GABPB2: variants seen among roughly 807,000 people sequenced by gnomAD.
The protein encoded by GABPB2 is GA-binding protein subunit beta-2.
GABPB2 carries 23 observed loss-of-function variants against 39.1 expected under a neutral mutation model. The ratio of observed to expected loss-of-function variants is 0.59; its 90% CI spans 0.42 to 0.83. The LOEUF (loss-of-function observed/expected upper bound fraction) is 0.83. GABPB2 is among the 40% of genes least tolerant of loss of function. The pLI is 0.00. For synonymous variants in GABPB2, 184 were observed against 199.3 expected (o/e 0.92, Z 0.65); for missense variants, 467 against 541.1 (o/e 0.86, Z 1.36).
chr1:151,101,951 C>T (rs762821821), intron 5 of GABPB2, among the ~76,000 whole-genome samples: 18 of 152,202 alleles, frequency 1.2e-4, no homozygotes, highest in Non-Finnish European at 2.4e-4. Flanking sequence ...AGATCTAGTG[C>T]GCTTCCCTCT....
At chr1:151,116,416 A>AC (rs1367945081) in intron 7 of GABPB2, among the ~76,000 whole-genome samples, 1 of 151,440 alleles carries the variant, frequency 6.6e-6, no homozygotes, top group Non-Finnish European at 1.5e-5. Flanking sequence ...AAAAAAAAAA[A>AC]ACAACTTTTA....
rs79448218 is a variant in GABPB2 at position 151,088,149 on chromosome 1, G to A, written c.1-41G>A. The A allele has an allele frequency of 3.9e-4, 551 of 1,404,358 alleles. 6 individuals are homozygous for A. In the East Asian group the frequency reaches 0.011, roughly 27 times the overall value. The allele number at this position is 1,404,358 out of a possible 1,614,324, so 87.0% of individuals were successfully genotyped here. On this transcript the variant is annotated intron_variant, in intron 1 of 8. Coordinates refer to ENST00000368918, the MANE Select transcript of GABPB2 (RefSeq NM_144618.3). ...TGTATTGGCGGCTTTCCTTATGTTC[G>A]AGTTATAGCTACCTGAAAACTTTTG...
At chr1:151,111,862 T>C (rs1416009182) in intron 7 of GABPB2, 1 of 149,584 alleles carries the variant, frequency 6.7e-6, no homozygotes, top group Non-Finnish European at 1.5e-5. Context: ...AGAGCTAACA[T>C]GGTTTTTAAT....
intron 5 of GABPB2, among the ~76,000 whole-genome samples, chr1:151,103,080 C>A (rs150764836): frequency 8.2e-6 from 1 of 122,606 alleles, no homozygotes; most frequent in African/African-American, 3.1e-5. Flanking sequence ...GAAGGAGTCT[C>A]GCTCTGTCGC....
At chr1:151,073,821 G>C (rs1272932221) in intron 1 of GABPB2, among the ~76,000 whole-genome samples, 1 of 151,744 alleles carries the variant, frequency 6.6e-6, no homozygotes, top group African/African-American at 2.4e-5. Flanking sequence ...TTGGGAGGCT[G>C]AGGCAGGAGA....
chr1:151,077,283 G>T lies in GABPB2; in HGVS notation c.-1+6349G>T, dbSNP rs1294354338. On this transcript the variant is annotated intron_variant, in intron 1 of 8. Coordinates refer to ENST00000368918, the MANE Select transcript of GABPB2 (RefSeq NM_144618.3). ...TGGTAAGTAAAGAGTGTCACTTTCT[G>T]ACTTTCTGACAGGCCCAGGAGCCCC... Among the ~76,000 whole-genome samples the T allele has an allele frequency of 4.0e-5, 6 of 151,298 alleles. No individual in the cohort carries two copies. The East Asian group carries it at 9.8e-4, about 25-fold the overall frequency.
chr1:151,088,417 A>T, intron 2 of GABPB2, 120 bp downstream of exon 2: 1 of 1,276,062 alleles, frequency 7.8e-7, no homozygotes, highest in Non-Finnish European at 1.1e-6. Context: ...ATCCCTTACA[A>T]GAGTTTTATT....
chr1:151,088,475 C>A, intron 2 of GABPB2, 178 bp downstream of exon 2: 1 of 1,348,372 alleles, frequency 7.4e-7, no homozygotes, highest in Non-Finnish European at 1.0e-6. Flanking sequence ...TTTAGTTTTC[C>A]AAATTGAGAG....
chr1:151,075,734 A>C (rs981451245), intron 1 of GABPB2, among the ~76,000 whole-genome samples: 4 of 151,542 alleles, frequency 2.6e-5, no homozygotes, highest in Middle Eastern at 3.4e-3. Flanking sequence ...AAAAAAACCC[A>C]AAAAAACACA....
chr1:151,094,638 T>C (rs974456669), intron 4 of GABPB2, among the ~76,000 whole-genome samples: 28 of 146,968 alleles, frequency 1.9e-4, no homozygotes, highest in African/African-American at 6.7e-4. Context: ...CGTGAGCCAC[T>C]GCGCCTGGCC....
chr1:151,108,274 A>G (rs2101551119), intron 7 of GABPB2, among the ~76,000 whole-genome samples: 1 of 152,198 alleles, frequency 6.6e-6, no homozygotes, highest in South Asian at 2.1e-4. Flanking sequence ...GGTTCAAGTA[A>G]TTCTTGTGCC....
At position 151,070,810 on chromosome 1, in the gene GABPB2, A is replaced by T. The variant is rs1676638602; in HGVS notation, c.-125A>T. On this transcript the variant is annotated 5_prime_UTR_variant, in exon 1 of 9. Coordinates refer to ENST00000368918, the MANE Select transcript of GABPB2 (RefSeq NM_144618.3). ...CACGAGGGGGGGTTAAAGGCCCCCA[A>T]AACATGCACACATGAAAAGGGCAAA... is the stretch of plus-strand genomic sequence containing the variant. 1 of 152,196 alleles carries T rather than the reference A, an allele frequency of 6.6e-6. No individual in the cohort carries two copies. Among genetic ancestry groups the T allele is most frequent in the African/African-American group, 2.4e-5 (1 of 41,426 alleles). 9.4% of individuals were successfully genotyped at this position (152,196 alleles called of 1,614,324 possible).
intron 5 of GABPB2, among the ~76,000 whole-genome samples, 171 bp from the exon 6 acceptor site, chr1:151,103,391 A>G (rs1454736527): frequency 1.3e-5 from 2 of 152,110 alleles, no homozygotes; most frequent in Non-Finnish European, 2.9e-5. Flanking sequence ...AAACTTTTTA[A>G]ACCTTAAAAG....
At chr1:151,082,379 C>G (rs909744538) in intron 1 of GABPB2, among the ~76,000 whole-genome samples, 1 of 129,806 alleles carries the variant, frequency 7.7e-6, no homozygotes, top group African/African-American at 2.8e-5. Flanking sequence ...GTCTGGCCAA[C>G]AAGTGGTAAT....
chr1:151,089,819 T>G (rs1226938973), intron 2 of GABPB2, among the ~76,000 whole-genome samples: 2 of 152,206 alleles, frequency 1.3e-5, no homozygotes, highest in Non-Finnish European at 2.9e-5. Flanking sequence ...TTTAACCTTC[T>G]AGACGTTGCG....
intron 2 of GABPB2, among the ~76,000 whole-genome samples, chr1:151,088,742 T>G (rs912585165): frequency 6.6e-6 from 1 of 152,248 alleles, no homozygotes; most frequent in African/African-American, 2.4e-5. Flanking sequence ...GGCTCACGCC[T>G]GTAATCCCAG....
intron 1 of GABPB2, among the ~76,000 whole-genome samples, chr1:151,081,084 A>G (rs1677645427): frequency 6.7e-6 from 1 of 150,342 alleles, no homozygotes; most frequent in African/African-American, 2.4e-5. Flanking sequence ...CATGTTAGCC[A>G]GGATGGTCTC....
intron 5 of GABPB2, among the ~76,000 whole-genome samples, chr1:151,100,977 G>A (rs1289086619): frequency 6.6e-6 from 1 of 152,066 alleles, no homozygotes; most frequent in African/African-American, 2.4e-5. Flanking sequence ...GGGTGCGATG[G>A]CTCACGCCTA....
chr1:151,125,103 G>A lies in GABPB2; in HGVS notation c.*6847G>A, dbSNP rs375780268. ...CCTCCTTCCCTACCACATATTTTTTGTTTATTCTGAGGTGGTTTGTTTCTG... is the reference window on the plus strand; with the variant it reads ...CCTCCTTCCCTACCACATATTTTTTATTTATTCTGAGGTGGTTTGTTTCTG... On this transcript the variant is annotated 3_prime_UTR_variant, in exon 9 of 9. Transcript: ENST00000368918. The A allele has an allele frequency of 6.6e-6, 1 of 151,926 alleles. No individual in the cohort carries two copies. Among genetic ancestry groups the A allele is most frequent in the South Asian group, 2.1e-4 (1 of 4,824 alleles). The allele number at this position is 151,926 out of a possible 1,614,324, so 9.4% of individuals were successfully genotyped here. A position where few individuals can be genotyped will look rare whatever the true frequency, so the allele number is the denominator to read the frequency against.
Sources: gnomAD v4.1 joint callset for allele counts (sites outside exome capture counted in the v4.1 genomes callset) on GRCh38, gnomAD v4.1.1 for gene constraint, MANE v1.5 for transcripts, NCBI Gene and HGNC (gene_info 2026-07-23, HGNC 2026-07-21) for gene names.